TBC1D9B: variants seen among roughly 807,000 people sequenced by gnomAD.
TBC1D9B encodes the protein TBC1 domain family, member 9B (with GRAM domain).
Under a neutral mutation model 121.1 loss-of-function variants are expected in TBC1D9B, and 87 were observed. The observed-to-expected ratio is 0.72, with a 90% confidence interval of 0.60 to 0.86. TBC1D9B has a LOEUF of 0.86. TBC1D9B is among the 40% of genes least tolerant of loss of function. The pLI, the probability that TBC1D9B is intolerant of heterozygous loss-of-function variation, is 0.00. For missense variants in TBC1D9B, 1,540 were observed against 1,628.6 expected (o/e 0.95, Z 0.94); for synonymous variants, 668 against 670.1 (o/e 1.00, Z 0.05).
chr5:179,896,901 A>C (rs575058667), intron 3 of TBC1D9B, among the ~76,000 whole-genome samples: 1 of 151,716 alleles, frequency 6.6e-6, no homozygotes, highest in Admixed American at 6.6e-5. Context: ...TGCTTTTTTA[A>C]AGATGCTCCT....
rs987324542 is a variant in TBC1D9B, at chr5:179,890,997, T to C, written c.1044+382A>G. Reference sequence around the variant, plus strand: ...GGACTGGTGAGGTGGCCTCTGAGAGTGACATATGGGACCGGTGCAGGAACA... The same window carrying C: ...GGACTGGTGAGGTGGCCTCTGAGAGCGACATATGGGACCGGTGCAGGAACA... On this transcript the variant is annotated intron_variant, in intron 6 of 20. Transcript: ENST00000355235. The surrounding 1 kb of genome is among the most constrained non-coding windows in gnomAD (Gnocchi z 5.0). Among the ~76,000 whole-genome samples the C allele has an allele frequency of 6.6e-6, 1 of 151,596 alleles. No homozygotes were observed. The highest frequency in any genetic ancestry group is 2.4e-5 in the African/African-American group (1 of 41,212).
chr5:179,906,959 G>A (rs1582112213), intron 1 of TBC1D9B, among the ~76,000 whole-genome samples: 3 of 152,282 alleles, frequency 2.0e-5, no homozygotes, highest in African/African-American at 2.4e-5. Flanking sequence ...GAGGGGCCCC[G>A]GACACCACCT....
chr5:179,869,876 T>A, intron 16 of TBC1D9B, 42 bp from the exon 17 acceptor site: 1 of 1,514,852 alleles, frequency 6.6e-7, no homozygotes, highest in Non-Finnish European at 8.8e-7. Flanking sequence ...GCAACATGGC[T>A]GCAGAGCCCC....
rs991579347 is a variant in TBC1D9B at position 179,904,231 on chromosome 5, T to C, written c.229+471A>G. On this transcript the variant is annotated intron_variant, in intron 2 of 20. Coordinates refer to ENST00000355235, the MANE Select transcript of TBC1D9B (RefSeq NM_015043.4). The surrounding 1 kb of genome is among the most constrained non-coding windows in gnomAD (Gnocchi z 4.2). ...ACCAGTGGAGCTGCCTTTTTTTTTTTTTTTTTTTTTTGAGACGGAATCTCG... is the reference window on the plus strand; with the variant it reads ...ACCAGTGGAGCTGCCTTTTTTTTTTCTTTTTTTTTTTGAGACGGAATCTCG... 4.9e-4 allele frequency among the ~76,000 whole-genome samples: 71 copies of C among 145,944 alleles called. 2 individuals carry two copies. The highest frequency in any genetic ancestry group is 1.7e-3 in the African/African-American group (66 of 38,726).
At position 179,906,631 on chromosome 5, in the gene TBC1D9B, C is replaced by G. The variant is rs952052603; in HGVS notation, c.118+1073G>C. Among the ~76,000 whole-genome samples, 5 of 152,242 alleles carry G rather than the reference C, an allele frequency of 3.3e-5. No homozygotes were observed. The East Asian group carries it at 7.7e-4, about 24-fold the overall frequency. ...GAACAGCTGGATCTAGGAGGCGGGT[C>G]CAGAACAGGAGCCCGAGATCCTTGA... is the stretch of plus-strand genomic sequence containing the variant. On this transcript the variant is annotated intron_variant, in intron 1 of 20. Coordinates refer to ENST00000355235, the MANE Select transcript of TBC1D9B (RefSeq NM_015043.4).
intron 7 of TBC1D9B, among the ~76,000 whole-genome samples, chr5:179,883,418 ACTT>A (rs1760593716): frequency 6.6e-6 from 1 of 151,794 alleles, no homozygotes; most frequent in African/African-American, 2.4e-5. Flanking sequence ...TCTCTGGACA[ACTT>A]CTTCTCTATT....
At chr5:179,898,373 G>A (rs777058044) in intron 3 of TBC1D9B, among the ~76,000 whole-genome samples, 9 of 151,802 alleles carry the variant, frequency 5.9e-5, no homozygotes, top group South Asian at 4.2e-4. Context: ...CAGGATGGTC[G>A]CGATCTCCTA....
At chr5:179,884,251 A>C (rs1021443226) in intron 7 of TBC1D9B, 6 of 152,134 alleles carry the variant, frequency 3.9e-5, no homozygotes, top group African/African-American at 1.4e-4. Context: ...TCTCAGATTC[A>C]CTTGTTGAGG....
At chr5:179,878,185 T>C in intron 10 of TBC1D9B, 124 bp downstream of exon 10, 1 of 980,826 alleles carries the variant, frequency 1.0e-6, no homozygotes, top group Non-Finnish European at 1.5e-6. Flanking sequence ...TTACATCTTT[T>C]TCTGCTGGGC....
At chr5:179,868,829 G>C (rs1760098134) in intron 17 of TBC1D9B, 1 of 153,106 alleles carries the variant, frequency 6.5e-6, no homozygotes, top group African/African-American at 2.4e-5. Flanking sequence ...GTCTGGACAG[G>C]ACAGGGCAGG....
intron 18 of TBC1D9B, chr5:179,866,727 G>C (rs1379590866): frequency 6.6e-6 from 1 of 152,436 alleles, no homozygotes; most frequent in Non-Finnish European, 1.5e-5. Context: ...ACCTGCTTCT[G>C]TAGTTTCTGT....
At chr5:179,882,952 G>A (rs747062473) in intron 7 of TBC1D9B, among the ~76,000 whole-genome samples, 1 of 152,154 alleles carries the variant, frequency 6.6e-6, no homozygotes, top group Non-Finnish European at 1.5e-5. Context: ...CCCACCTCCT[G>A]GGTTCAAGTG....
rs758306981 is a variant in TBC1D9B, at chr5:179,863,413, A to G, written c.*35T>C. ...GGAGGAGATGAGGCCAGCCCCACTGATGACACCTTGGGCCAGGCCTCACAG... is the reference window on the plus strand; with the variant it reads ...GGAGGAGATGAGGCCAGCCCCACTGGTGACACCTTGGGCCAGGCCTCACAG... On this transcript the variant is annotated 3_prime_UTR_variant, in exon 21 of 21. Transcript: ENST00000355235. The surrounding 1 kb of genome is among the most constrained non-coding windows in gnomAD (Gnocchi z 4.5). 6.3e-7 allele frequency: 1 copy of G among 1,596,724 alleles called. No homozygotes were observed. Among genetic ancestry groups the G allele is most frequent in the Non-Finnish European group, 8.5e-7 (1 of 1,170,664 alleles).
rs550418299 is a variant in TBC1D9B at position 179,904,220 on chromosome 5, C to CTT, written c.229+480_229+481dup. Among the ~76,000 whole-genome samples, 158 of 80,834 alleles carry CTT rather than the reference C, an allele frequency of 2.0e-3. 3 individuals carry two copies. The highest frequency in any genetic ancestry group is 3.3e-3 in the East Asian group (5 of 1,524). The allele number at this position is 80,834 out of a possible 152,430, so 53.0% of individuals were successfully genotyped here. On this transcript the variant is annotated intron_variant, in intron 2 of 20. Transcript: ENST00000355235. This position sits in a 1 kb window ranked among gnomAD's most constrained non-coding sequence, Gnocchi z 4.2. Reference sequence around the variant, plus strand: ...CTGTCCCCATGACCAGTGGAGCTGCCTTTTTTTTTTTTTTTTTTTTTTGAG... The same window carrying CTT: ...CTGTCCCCATGACCAGTGGAGCTGCCTTTTTTTTTTTTTTTTTTTTTTTTGAG...
intron 6 of TBC1D9B, 112 bp from the exon 7 acceptor site, chr5:179,888,424 T>C: frequency 9.3e-7 from 1 of 1,073,458 alleles, no homozygotes. Context: ...CACAATGCAG[T>C]GAGTGGCCCA....
chr5:179,880,693 G>C (rs539421586), intron 7 of TBC1D9B, among the ~76,000 whole-genome samples: 1 of 151,814 alleles, frequency 6.6e-6, no homozygotes, highest in Admixed American at 6.6e-5. Flanking sequence ...AGTGTATTGC[G>C]TATCAATTTT....
At chr5:179,869,726 C>A in intron 17 of TBC1D9B, 43 bp downstream of exon 17, 1 of 1,606,148 alleles carries the variant, frequency 6.2e-7, no homozygotes, top group Non-Finnish European at 8.5e-7. Flanking sequence ...AACTTCTGGA[C>A]AAGTGGGAGA....
At chr5:179,893,180 G>A (rs776525266) in intron 5 of TBC1D9B, 29 bp downstream of exon 5, 1 of 1,574,984 alleles carries the variant, frequency 6.3e-7, no homozygotes, top group African/African-American at 1.3e-5. Flanking sequence ...GCTCACATGA[G>A]CCCACCCCAG....
At chr5:179,878,960 G>T in intron 9 of TBC1D9B, 87 bp downstream of exon 9, 3 of 1,494,000 alleles carry the variant, frequency 2.0e-6, no homozygotes, top group Non-Finnish European at 1.8e-6. Context: ...CCAACTCCAG[G>T]CCGGCTCAGG....
Sources: gnomAD v4.1 joint callset for allele counts (sites outside exome capture counted in the v4.1 genomes callset) on GRCh38, gnomAD v4.1.1 for gene constraint, Gnocchi (gnomAD v3.1) non-coding constraint, MANE v1.5 for transcripts, NCBI Gene and HGNC (gene_info 2026-07-23, HGNC 2026-07-21) for gene names.